Variants in TCF4 observed in about 807,000 individuals in gnomAD.
TCF4 encodes transcription factor 4, also known as SL3-3 enhancer factor 2.
Under a neutral mutation model 82.1 loss-of-function variants are expected in TCF4, and 3 were observed. The ratio of observed to expected loss-of-function variants is 0.04; its 90% CI spans 0.02 to 0.09. The LOEUF is 0.09. TCF4 is among the 10% of genes least tolerant of loss of function. The pLI, the probability that TCF4 is intolerant of heterozygous loss-of-function variation, is 1.00. For synonymous variants in TCF4, 276 were observed against 309.6 expected, an observed-to-expected ratio of 0.89 and a Z score of 1.14; for missense variants, 518 against 852.7, an observed-to-expected ratio of 0.61 and a Z score of 4.89.
intron 8 of TCF4, among the ~76,000 whole-genome samples, chr18:55,282,537 T>G (rs2062828249): frequency 6.6e-6 from 1 of 152,088 alleles, no homozygotes; most frequent in South Asian, 2.1e-4. Context: ...AGGTATTTAA[T>G]ACTGACATTA....
At chr18:55,599,613 A>G (rs2097694672) in intron 2 of TCF4, among the ~76,000 whole-genome samples, 1 of 152,100 alleles carries the variant, frequency 6.6e-6, no homozygotes, top group Non-Finnish European at 1.5e-5. Flanking sequence ...CCCAGCTACA[A>G]GGGAGTCTAA....
chr18:55,533,166 A>AC (rs1427660719), intron 3 of TCF4, among the ~76,000 whole-genome samples: 1 of 151,968 alleles, frequency 6.6e-6, no homozygotes, highest in African/African-American at 2.4e-5. Flanking sequence ...AACAAGAAAC[A>AC]CCCCTGATTA....
chr18:55,223,681 C>CT lies in TCF4; in HGVS notation c.*4353dup, dbSNP rs11431395. ...TTGAAAACAAGGTGTAACTGTTTAT[C>CT]TTTTTTTTTTTTTTTGAAATGTTTT... On this transcript the variant is annotated 3_prime_UTR_variant, in exon 20 of 20. Transcript: ENST00000354452. 20,106 of 137,400 alleles carry CT rather than the reference C, an allele frequency of 0.15. 1,889 individuals carry two copies. Among genetic ancestry groups the CT allele is most frequent in the African/African-American group, 0.27 (10,228 of 37,996 alleles). The allele number at this position is 137,400 out of a possible 1,614,324, so 8.5% of individuals were successfully genotyped here. A position where few individuals can be genotyped will look rare whatever the true frequency, so the allele number is the denominator to read the frequency against.
chr18:55,579,296 T>C (rs1271053172), intron 3 of TCF4, among the ~76,000 whole-genome samples: 1 of 151,808 alleles, frequency 6.6e-6, no homozygotes, highest in Non-Finnish European at 1.5e-5. Context: ...ATAAACCTGG[T>C]GGTCAGTTGT....
intron 6 of TCF4, among the ~76,000 whole-genome samples, chr18:55,396,436 GT>G (rs2093493656): frequency 1.3e-5 from 2 of 152,136 alleles, no homozygotes; most frequent in African/African-American, 4.8e-5. Flanking sequence ...TATCAACCAT[GT>G]CTGGATTGTG....
intron 5 of TCF4, among the ~76,000 whole-genome samples, chr18:55,443,381 GCAAA>G (rs2095474281): frequency 6.6e-6 from 1 of 152,150 alleles, no homozygotes; most frequent in Admixed American, 6.5e-5. Flanking sequence ...GGTTTGTAAA[GCAAA>G]CAGTTACCTC....
At chr18:55,577,213 A>ATATATACATTTATATATTCATAT (rs1568443765) in intron 3 of TCF4, among the ~76,000 whole-genome samples, 1 of 17,836 alleles carries the variant, frequency 5.6e-5, no homozygotes, top group Non-Finnish European at 9.9e-5. Context: ...TATTTATATA[A>ATATATACATTTATATATTCATAT]ATGTATATAT....
At chr18:55,455,923 C>G (rs2095743308) in intron 5 of TCF4, among the ~76,000 whole-genome samples, 1 of 152,198 alleles carries the variant, frequency 6.6e-6, no homozygotes, top group Admixed American at 6.5e-5. Flanking sequence ...ATTGGTTATT[C>G]TCTGTTTTAC....
chr18:55,309,392 G>A (rs2071497261), intron 8 of TCF4, among the ~76,000 whole-genome samples: 1 of 152,022 alleles, frequency 6.6e-6, no homozygotes, highest in African/African-American at 2.4e-5. Context: ...AAAGTGCTGG[G>A]ATTACAGGCA....
At chr18:55,632,686 A>C (rs2097732737) in intron 1 of TCF4, among the ~76,000 whole-genome samples, 1 of 152,232 alleles carries the variant, frequency 6.6e-6, no homozygotes. Context: ...GTACTGCTGG[A>C]GGGTAACATC....
chr18:55,376,725 G>A (rs2090846324), intron 6 of TCF4, among the ~76,000 whole-genome samples: 1 of 152,124 alleles, frequency 6.6e-6, no homozygotes, highest in Admixed American at 6.5e-5. Context: ...TTATTGCACA[G>A]TCCGGTTAAC....
chr18:55,610,990 C>T (rs2097706515), intron 2 of TCF4, among the ~76,000 whole-genome samples: 1 of 152,266 alleles, frequency 6.6e-6, no homozygotes, highest in Admixed American at 6.5e-5. Flanking sequence ...TGACACTTAC[C>T]AATTTCAAAC....
chr18:55,399,774 C>T (rs1239298492), intron 6 of TCF4, among the ~76,000 whole-genome samples: 1 of 151,746 alleles, frequency 6.6e-6, no homozygotes, highest in East Asian at 1.9e-4. Context: ...GTCAGAAAAG[C>T]ACAGGCCCAG....
At chr18:55,387,020 T>C (rs1422227342) in intron 6 of TCF4, among the ~76,000 whole-genome samples, 2 of 152,202 alleles carry the variant, frequency 1.3e-5, no homozygotes, top group Non-Finnish European at 2.9e-5. Flanking sequence ...GAGAATCATT[T>C]CTAGAGAGGA....
At chr18:55,619,236 T>G (rs1027211837) in intron 2 of TCF4, among the ~76,000 whole-genome samples, 1 of 152,276 alleles carries the variant, frequency 6.6e-6, no homozygotes, top group Non-Finnish European at 1.5e-5. Flanking sequence ...TCAGATCATC[T>G]TATCTATTTC....
rs2276195 is a variant in TCF4 at position 55,229,278 on chromosome 18, G to A, written c.1650-202C>T. 0.27 allele frequency: 170,486 copies of A among 627,484 alleles called. 24,059 individuals are homozygous for A. The highest frequency in any genetic ancestry group is 0.4 in the East Asian group (13,970 of 34,660). The allele number at this position is 627,484 out of a possible 1,614,324, so 38.9% of individuals were successfully genotyped here. On this transcript the variant is annotated intron_variant, in intron 17 of 19. Transcript: ENST00000354452. ...AATACACAAGATATTTGGTTTTCTCGCAGACATTAAACCCAAACCAAACAG... is the reference window on the plus strand; with the variant it reads ...AATACACAAGATATTTGGTTTTCTCACAGACATTAAACCCAAACCAAACAG...
At chr18:55,295,024 A>ATTTC (rs200559505) in intron 8 of TCF4, among the ~76,000 whole-genome samples, 1,644 of 152,310 alleles carry the variant, frequency 0.011, 36 homozygotes, top group African/African-American at 0.037. Context: ...GGTGTTTCCT[A>ATTTC]TTTCCACTGG....
rs1032435306 is a variant in TCF4, at chr18:55,489,514, C to T, written c.146-25377G>A. Reference sequence around the variant, plus strand: ...ACAAGAAAAGTGGACCCACAGTGCACCAAGAACTCCAGAGAACCGAGTGGT... The same window carrying T: ...ACAAGAAAAGTGGACCCACAGTGCATCAAGAACTCCAGAGAACCGAGTGGT... On this transcript the variant is annotated intron_variant, in intron 3 of 19. Coordinates refer to ENST00000354452, the MANE Select transcript of TCF4 (RefSeq NM_001083962.2). 3.3e-5 allele frequency among the ~76,000 whole-genome samples: 5 copies of T among 151,938 alleles called. No homozygotes were observed. The South Asian group carries it at 1.0e-3, about 32-fold the overall frequency.
intron 3 of TCF4, among the ~76,000 whole-genome samples, chr18:55,571,963 T>C (rs1363177041): frequency 1.3e-5 from 2 of 152,136 alleles, no homozygotes; most frequent in Non-Finnish European, 2.9e-5. Flanking sequence ...CATTTCGTTT[T>C]AACTAAGAGT....
Sources: allele counts gnomAD v4.1 joint callset (sites outside exome capture counted in the v4.1 genomes callset), GRCh38; gene constraint gnomAD v4.1.1; transcripts MANE v1.5; gene names NCBI Gene and HGNC (gene_info 2026-07-23, HGNC 2026-07-21).